Variants in SULT1E1 observed in about 807,000 individuals in gnomAD.
The protein encoded by SULT1E1 is sulfotransferase family 1E member 1, also known as sulfotransferase 1E1.
SULT1E1 carries 36 observed loss-of-function variants against 33.6 expected under a neutral mutation model. That is an observed-to-expected ratio of 1.07 (90% CI 0.82 to 1.41). The LOEUF (loss-of-function observed/expected upper bound fraction) is 1.41. SULT1E1 is among the 40% of genes most tolerant of loss of function. The probability of loss-of-function intolerance (pLI) is 0.00; values close to 1 mark genes in which losing one functional copy is unlikely to be tolerated. For synonymous variants in SULT1E1, 121 were observed against 111.7 expected (o/e 1.08, Z -0.53); for missense variants, 371 against 345.7 (o/e 1.07, Z -0.58).
chr4:69,825,655 C>T, the SULT1E1 span, among the ~76,000 whole-genome samples: 4 of 152,136 alleles, frequency 2.6e-5, no homozygotes, highest in African/African-American at 9.7e-5. Context: ...TTTTCCTGTA[C>T]TTCTGGGCTG....
chr4:69,846,583 A>C (rs1198141120), intron 6 of SULT1E1, among the ~76,000 whole-genome samples: 1 of 151,644 alleles, frequency 6.6e-6, no homozygotes, highest in Non-Finnish European at 1.5e-5. Context: ...AAAATTATTG[A>C]ATATCTAACC....
At chr4:69,837,285 T>C (rs1037403265), downstream of SULT1E1, among the ~76,000 whole-genome samples, 1 of 152,166 alleles carries the variant, frequency 6.6e-6, no homozygotes, top group Non-Finnish European at 1.5e-5. Flanking sequence ...TTCCATTTTA[T>C]TGAAGAGTTG....
At chr4:69,832,558 C>A in the SULT1E1 span, among the ~76,000 whole-genome samples, 1 of 152,286 alleles carries the variant, frequency 6.6e-6, no homozygotes, top group African/African-American at 2.4e-5. Flanking sequence ...GACAAAGGCA[C>A]TTAATCAGGC....
At chr4:69,837,433 A>C (rs1175978490), downstream of SULT1E1, among the ~76,000 whole-genome samples, 1 of 152,072 alleles carries the variant, frequency 6.6e-6, no homozygotes, top group East Asian at 1.9e-4. Flanking sequence ...AAAACATATT[A>C]ATCAATCAAG....
At chr4:69,829,313 T>G in the SULT1E1 span, among the ~76,000 whole-genome samples, 1 of 152,196 alleles carries the variant, frequency 6.6e-6, no homozygotes, top group Admixed American at 6.5e-5. Flanking sequence ...GAAGTCGCTC[T>G]AAGTGTTTGT....
At chr4:69,847,198 A>T (rs1560554921) in intron 6 of SULT1E1, among the ~76,000 whole-genome samples, 9 of 151,606 alleles carry the variant, frequency 5.9e-5, no homozygotes, top group Admixed American at 5.3e-4. Flanking sequence ...AGTTATTTTT[A>T]GAAATTGTAT....
downstream of SULT1E1, among the ~76,000 whole-genome samples, chr4:69,839,923 C>A (rs1720853753): frequency 6.6e-6 from 1 of 152,188 alleles, no homozygotes; most frequent in African/African-American, 2.4e-5. Flanking sequence ...ATGTGTTGTT[C>A]CACCAAGGAC....
chr4:69,833,632 T>C, the SULT1E1 span, among the ~76,000 whole-genome samples: 3 of 152,194 alleles, frequency 2.0e-5, no homozygotes, highest in Non-Finnish European at 4.4e-5. Flanking sequence ...TAAGCTTAAG[T>C]AGCACATGCC....
At chr4:69,858,153 A>G (rs2109667993) in intron 1 of SULT1E1, among the ~76,000 whole-genome samples, 1 of 152,262 alleles carries the variant, frequency 6.6e-6, no homozygotes, top group South Asian at 2.1e-4. Flanking sequence ...TTTTAAATAA[A>G]CCAAATGCTT....
At chr4:69,858,031 A>G (rs772843959) in intron 1 of SULT1E1, among the ~76,000 whole-genome samples, 1 of 152,200 alleles carries the variant, frequency 6.6e-6, no homozygotes, top group Non-Finnish European at 1.5e-5. Context: ...CAGTTATTTT[A>G]GCAAATTATC....
the SULT1E1 span, among the ~76,000 whole-genome samples, chr4:69,835,954 T>A: frequency 6.6e-6 from 1 of 152,214 alleles, no homozygotes; most frequent in Non-Finnish European, 1.5e-5. Flanking sequence ...TAGGCTTCTT[T>A]ATCTTAGCAG....
At position 69,854,218 on chromosome 4, in the gene SULT1E1, T is replaced by C. The variant is rs369506037; in HGVS notation, c.368A>G (p.Lys123Arg). ...LPASFWEKDC[K>R]IIYLCRNAKD... ...TTGAGAACACTTGACTCTGGTTACC[T>C]TACAATCCTTTTCCCAAAATGAGGC... Residue 123 changes from lysine (K) to arginine (R), a missense_variant and splice_region_variant, in exon 4 of 8, where the codon AAG (lysine) becomes AGG (arginine). Lys to Arg is a conservative substitution (Grantham distance 26, BLOSUM62 2). Coordinates refer to ENST00000226444, the MANE Select transcript of SULT1E1 (RefSeq NM_005420.3). 2 of 1,610,324 alleles carry C rather than the reference T, an allele frequency of 1.2e-6. No individual in the cohort carries two copies. The highest frequency in any genetic ancestry group is 1.7e-6 in the Non-Finnish European group (2 of 1,177,466).
At chr4:69,836,173 C>T in the SULT1E1 span, among the ~76,000 whole-genome samples, 14 of 152,110 alleles carry the variant, frequency 9.2e-5, no homozygotes, top group South Asian at 4.2e-4. Flanking sequence ...TGCCTTAAAA[C>T]GAAAGAAAAT....
intron 7 of SULT1E1, among the ~76,000 whole-genome samples, chr4:69,843,714 G>T (rs3775778): frequency 0.27 from 41,041 of 151,880 alleles, 6,091 homozygotes; most frequent in South Asian, 0.43. Flanking sequence ...TCTATTTTTT[G>T]CCACTTACCC....
At chr4:69,844,712 A>AT (rs1190446870) in intron 6 of SULT1E1, among the ~76,000 whole-genome samples, 1 of 152,092 alleles carries the variant, frequency 6.6e-6, no homozygotes, top group Non-Finnish European at 1.5e-5. Flanking sequence ...GGCAATTTTC[A>AT]TTTTTCTCCT....
chr4:69,839,421 G>A (rs1720843357), downstream of SULT1E1, among the ~76,000 whole-genome samples: 1 of 152,182 alleles, frequency 6.6e-6, no homozygotes, highest in Admixed American at 6.5e-5. Context: ...CCATTCATGA[G>A]TGCAGAGCTC....
the SULT1E1 span, among the ~76,000 whole-genome samples, chr4:69,835,305 GTTTAA>G: frequency 3.9e-5 from 6 of 152,126 alleles, no homozygotes; most frequent in South Asian, 4.1e-4. Flanking sequence ...AGAGTTGATT[GTTTAA>G]TTTATGTGGC....
Position 69,841,941 on chromosome 4 carries a change from A to C in SULT1E1, c.*53T>G. On this transcript the variant is annotated 3_prime_UTR_variant, in exon 8 of 8. Coordinates refer to ENST00000226444, the MANE Select transcript of SULT1E1 (RefSeq NM_005420.3). ...CAATCTAAAATAAGAAAAAGTGGAG[A>C]ATAATGAAAAGAAATCTTTAATATC... 1 of 950,952 alleles carries C rather than the reference A, an allele frequency of 1.1e-6. No homozygotes were observed. Among genetic ancestry groups the C allele is most frequent in the Non-Finnish European group, 1.6e-6 (1 of 617,452 alleles). The allele number at this position is 950,952 out of a possible 1,614,324, so 58.9% of individuals were successfully genotyped here. A position where few individuals can be genotyped will look rare whatever the true frequency, so the allele number is the denominator to read the frequency against.
At chr4:69,855,766 C>A (rs981068696) in intron 2 of SULT1E1, among the ~76,000 whole-genome samples, 3 of 152,106 alleles carry the variant, frequency 2.0e-5, no homozygotes, top group African/African-American at 7.2e-5. Context: ...TGCTTCCAAT[C>A]AAAAATTTTA....
Sources: allele counts gnomAD v4.1 joint callset (sites outside exome capture counted in the v4.1 genomes callset), GRCh38; gene constraint gnomAD v4.1.1; transcripts MANE v1.5; gene names NCBI Gene and HGNC (gene_info 2026-07-23, HGNC 2026-07-21).